The following NOMO1 variants were observed in gnomAD, a reference collection of about 807,000 sequenced individuals.
NOMO1 encodes NODAL modulator 1, also known as nodal modulator 3.
Under a neutral mutation model 133.8 loss-of-function variants are expected in NOMO1, and 40 were observed. That is an observed-to-expected ratio of 0.30 (90% CI 0.23 to 0.39). The LOEUF is 0.39. Among genes scored for constraint, NOMO1 ranks in the 10% least tolerant of loss-of-function variants. The pLI, the probability that NOMO1 is intolerant of heterozygous loss-of-function variation, is 1.00. For missense variants in NOMO1, 462 were observed against 1,419.9 expected (o/e 0.33, Z 10.84); for synonymous variants, 236 against 570.5 (o/e 0.41, Z 8.36).
chr16:14,895,648 A>T lies in NOMO1; in HGVS notation c.*3A>T, dbSNP rs1302145235. On this transcript the variant is annotated 3_prime_UTR_variant, in exon 31 of 31. Coordinates refer to ENST00000287667, the MANE Select transcript of NOMO1 (RefSeq NM_014287.4). ...AACAGAAGACAAGGCGGACTTGAGG[A>T]GGAAGGGGACAGTTGCAGTCTCACT... The T allele has an allele frequency of 6.2e-7, 1 of 1,612,026 alleles. No homozygotes were observed. The highest frequency in any genetic ancestry group is 1.1e-5 in the South Asian group (1 of 90,990).
intron 9 of NOMO1, among the ~76,000 whole-genome samples, chr16:14,856,830 C>CATCCAAAGTGATGCCGGGGT (rs1963845077): frequency 6.6e-6 from 1 of 151,698 alleles, no homozygotes; most frequent in African/African-American, 2.4e-5. Context: ...CGGGGCGGGG[C>CATCCAAAGTGATGCCGGGGT]ATCCAAAGTG....
intron 11 of NOMO1, among the ~76,000 whole-genome samples, chr16:14,861,692 G>C (rs1963924263): frequency 6.6e-6 from 1 of 151,004 alleles, no homozygotes; most frequent in Non-Finnish European, 1.5e-5. Context: ...ACTATTTTAG[G>C]CTGCGTGAGC....
chr16:14,879,124 G>A (rs1028038637), intron 23 of NOMO1, among the ~76,000 whole-genome samples: 1 of 151,884 alleles, frequency 6.6e-6, no homozygotes, highest in East Asian at 1.9e-4. Flanking sequence ...GCATCTTCTC[G>A]TTTTGCCACG....
chr16:14,884,949 AGG>A (rs1387894151), intron 27 of NOMO1, among the ~76,000 whole-genome samples: 2 of 152,196 alleles, frequency 1.3e-5, no homozygotes, highest in South Asian at 4.1e-4. Flanking sequence ...TAGGTTGTAC[AGG>A]AAGCATAGTG....
rs559369446 is a variant in NOMO1 at position 14,845,901 on chromosome 16, A to C, written c.403-676A>C. Among the ~76,000 whole-genome samples, 4 of 151,616 alleles carry C rather than the reference A, an allele frequency of 2.6e-5. No individual in the cohort carries two copies. The South Asian group carries it at 8.4e-4, about 32-fold the overall frequency. On this transcript the variant is annotated intron_variant, in intron 4 of 30. Coordinates refer to ENST00000287667, the MANE Select transcript of NOMO1 (RefSeq NM_014287.4). ...GGAGTGCAGTAGCGCAGTCTCTCTCACCACAACCTCCGCCTCCTGGGTTCG... is the reference window on the plus strand; with the variant it reads ...GGAGTGCAGTAGCGCAGTCTCTCTCCCCACAACCTCCGCCTCCTGGGTTCG...
intron 1 of NOMO1, among the ~76,000 whole-genome samples, chr16:14,835,393 G>A (rs573391452): frequency 1.3e-5 from 2 of 151,274 alleles, no homozygotes; most frequent in East Asian, 3.9e-4. Flanking sequence ...GACAGGACGC[G>A]TTCAGGGTGG....
In NOMO1 at chr16:14,859,957, A is replaced by G. The variant is rs948055862; in HGVS notation, c.1220+2302A>G. Among the ~76,000 whole-genome samples, 34 of 152,012 alleles carry G rather than the reference A, an allele frequency of 2.2e-4. 1 individual carries two copies. Among genetic ancestry groups the G allele is most frequent in the African/African-American group, 7.7e-4 (32 of 41,334 alleles). On this transcript the variant is annotated intron_variant, in intron 11 of 30. Transcript: ENST00000287667. Reference sequence around the variant, plus strand: ...CAGAGGCCTGCATAGGATAGGAAGGACCTGAAAGGCAGTCTGCGCAGCTGG... The same window carrying G: ...CAGAGGCCTGCATAGGATAGGAAGGGCCTGAAAGGCAGTCTGCGCAGCTGG...
chr16:14,839,457 C>A (rs895035689), intron 2 of NOMO1, among the ~76,000 whole-genome samples: 12 of 152,184 alleles, frequency 7.9e-5, no homozygotes, highest in African/African-American at 2.9e-4. Flanking sequence ...GAAATACACA[C>A]AAGCACACAT....
At position 14,835,390 on chromosome 16, in the gene NOMO1, C is replaced by T. The variant is rs557881915; in HGVS notation, c.165+1374C>T. 1.6e-4 allele frequency among the ~76,000 whole-genome samples: 24 copies of T among 151,110 alleles called. 1 individual carries two copies. The highest frequency in any genetic ancestry group is 4.2e-4 in the African/African-American group (17 of 40,722). On this transcript the variant is annotated intron_variant, in intron 1 of 30. Transcript: ENST00000287667. ...GCCTAGGTCTGCACTGGGGACAGGACGCGTTCAGGGTGGTATGGCTGTAGA... is the reference window on the plus strand; with the variant it reads ...GCCTAGGTCTGCACTGGGGACAGGATGCGTTCAGGGTGGTATGGCTGTAGA...
At chr16:14,866,810 T>C (rs541310986) in intron 15 of NOMO1, 119 bp downstream of exon 15, 1 of 1,601,910 alleles carries the variant, frequency 6.2e-7, no homozygotes, top group East Asian at 2.3e-5. Context: ...TTTCTGCCTC[T>C]CCACTCGCCC....
At chr16:14,887,455 G>A (rs574451689) in intron 28 of NOMO1, among the ~76,000 whole-genome samples, 4 of 151,896 alleles carry the variant, frequency 2.6e-5, no homozygotes, top group South Asian at 4.2e-4. Context: ...CACCACACCC[G>A]GCTAATTCTT....
rs1255923217 is a variant in NOMO1, at chr16:14,886,189, G to A, written c.3223-572G>A. On this transcript the variant is annotated intron_variant, in intron 27 of 30. Transcript: ENST00000287667. ...GTACTCCAGTGCCTCCTGAAGCAGC[G>A]TGGAGAGCCACGTACATGATGGAAT... Among the ~76,000 whole-genome samples the A allele has an allele frequency of 1.8e-4, 28 of 151,576 alleles. 1 individual carries two copies. Among genetic ancestry groups the A allele is most frequent in the African/African-American group, 6.6e-4 (27 of 41,120 alleles).
chr16:14,889,248 T>C lies in NOMO1; in HGVS notation c.3444+33T>C, dbSNP rs370525215. Reference sequence around the variant, plus strand: ...AAAGAGGGAGTTAAAAAAAAACCCATGGGCTGGGTTTGGTGGCTCACGCCT... The same window carrying C: ...AAAGAGGGAGTTAAAAAAAAACCCACGGGCTGGGTTTGGTGGCTCACGCCT... On this transcript the variant is annotated intron_variant, in intron 29 of 30. Transcript: ENST00000287667. 10 of 1,611,514 alleles carry C rather than the reference T, an allele frequency of 6.2e-6. No individual in the cohort carries two copies. The African/African-American group carries it at 8.0e-5, about 13-fold the overall frequency.
rs1366292243 is a variant in NOMO1, at chr16:14,894,990, G to A, written c.3445-8G>A. 6.2e-7 allele frequency: 1 copy of A among 1,611,592 alleles called. No individual in the cohort carries two copies. Among genetic ancestry groups the A allele is most frequent in the Non-Finnish European group, 8.5e-7 (1 of 1,179,772 alleles). On this transcript the variant is annotated splice_polypyrimidine_tract_variant and splice_region_variant and intron_variant, in intron 29 of 30. Transcript: ENST00000287667. ...GGTGAGGAGTGATGGGGCTCTCGGT[G>A]TTTGCAGAGGAAGCTGCCTGAACAG...
intron 28 of NOMO1, among the ~76,000 whole-genome samples, chr16:14,887,890 T>C (rs1964350528): frequency 6.6e-6 from 1 of 151,196 alleles, no homozygotes; most frequent in African/African-American, 2.4e-5. Context: ...CTCTCTGTCT[T>C]TGATAATCTG....
intron 11 of NOMO1, among the ~76,000 whole-genome samples, chr16:14,860,408 A>T (rs1038323581): frequency 2.0e-5 from 3 of 149,724 alleles, no homozygotes; most frequent in Non-Finnish European, 4.4e-5. Context: ...CAAGGGAGTG[A>T]TAGGGATCAT....
chr16:14,836,826 C>T (rs1266398716), intron 1 of NOMO1, among the ~76,000 whole-genome samples: 2 of 151,058 alleles, frequency 1.3e-5, no homozygotes, highest in African/African-American at 4.9e-5. Flanking sequence ...CTGCCTCAGC[C>T]TCCCGAGTAG....
At chr16:14,837,446 C>T (rs564365504) in intron 1 of NOMO1, among the ~76,000 whole-genome samples, 11 of 152,098 alleles carry the variant, frequency 7.2e-5, no homozygotes, top group Non-Finnish European at 1.6e-4. Context: ...CCCAAGGCCA[C>T]GCAACACGTG....
At position 14,857,620 on chromosome 16, in the gene NOMO1, G is replaced by A. The variant is rs416078; in HGVS notation, c.1185G>A (p.Pro395=). Residue 395 remains proline (P), a synonymous_variant, in exon 11 of 31, where the codon CCG becomes CCA. Transcript: ENST00000287667. ...YFETVTIKIA[P]NTPQLADIIA... is the part of the protein sequence containing the mutation. Reference sequence around the variant, plus strand: ...AAACGGTCACCATCAAAATTGCACCGAACACACCTCAGCTGGCTGACATTA... The same window carrying A: ...AAACGGTCACCATCAAAATTGCACCAAACACACCTCAGCTGGCTGACATTA... 1.7e-4 allele frequency: 275 copies of A among 1,613,402 alleles called. 7 individuals are homozygous for A. In the East Asian group the frequency reaches 3.1e-3, roughly 18 times the overall value.
Sources: gnomAD v4.1 joint callset for allele counts (sites outside exome capture counted in the v4.1 genomes callset) on GRCh38, gnomAD v4.1.1 for gene constraint, MANE v1.5 for transcripts, NCBI Gene and HGNC (gene_info 2026-07-23, HGNC 2026-07-21) for gene names.